PTDSS1: variants seen among roughly 807,000 people sequenced by gnomAD.
The protein encoded by PTDSS1 is phosphatidylserine synthase 1, also known as PSS-1.
PTDSS1 carries 45 observed loss-of-function variants against 70.5 expected under a neutral mutation model. The observed-to-expected ratio is 0.64, with a 90% CI of 0.50 to 0.82. The LOEUF is 0.82. Ranked by LOEUF, PTDSS1 falls within the 40% of genes least tolerant of loss-of-function variation. The probability of loss-of-function intolerance (pLI) is 0.00; values close to 1 mark genes in which losing one functional copy is unlikely to be tolerated. For missense variants in PTDSS1, 417 were observed against 586.1 expected, an observed-to-expected ratio of 0.71 and a Z score of 2.98; for synonymous variants, 188 against 203.8, an observed-to-expected ratio of 0.92 and a Z score of 0.66.
intron 6 of PTDSS1, among the ~76,000 whole-genome samples, chr8:96,301,404 C>CTA (rs2130100173): frequency 6.6e-6 from 1 of 151,748 alleles, no homozygotes; most frequent in South Asian, 2.1e-4. Context: ...CTGTCATCCC[C>CTA]TTTTAAACTA....
chr8:96,330,928 C>A, intron 11 of PTDSS1, 98 bp from the exon 12 acceptor site: 1 of 1,004,484 alleles, frequency 1.0e-6, no homozygotes, highest in Non-Finnish European at 1.5e-6. Context: ...TGATCCCAGC[C>A]TGGGAGAGGC....
At chr8:96,309,696 T>C in intron 9 of PTDSS1, 74 bp downstream of exon 9, 1 of 1,429,998 alleles carries the variant, frequency 7.0e-7, no homozygotes, top group East Asian at 2.3e-5. Flanking sequence ...CTTGACCCTG[T>C]GTTAAGAGCC....
In PTDSS1 at chr8:96,306,458, T is replaced by C. The variant is rs143788559; in HGVS notation, c.909T>C (p.Asn303=). Residue 303 remains asparagine (N), a synonymous_variant, in exon 8 of 13, where the codon AAT becomes AAC. Transcript: ENST00000517309. ...GTCTTTTTCAGCTGACTGAGTTGAA[T>C]ACCTTCTTCTTGAAGCATATCTTTG... ...FMIIWQLTEL[N]TFFLKHIFVF... The C allele has an allele frequency of 8.6e-5, 138 of 1,613,978 alleles. No homozygotes were observed. The highest frequency in any genetic ancestry group is 1.1e-4 in the Non-Finnish European group (131 of 1,179,824).
At chr8:96,323,587 T>C (rs1182565773) in intron 10 of PTDSS1, among the ~76,000 whole-genome samples, 1 of 152,046 alleles carries the variant, frequency 6.6e-6, no homozygotes, top group Non-Finnish European at 1.5e-5. Flanking sequence ...AATGTGGGAG[T>C]AGAGTCCCTA....
At chr8:96,323,876 T>C (rs574045719) in intron 10 of PTDSS1, among the ~76,000 whole-genome samples, 2 of 152,358 alleles carry the variant, frequency 1.3e-5, no homozygotes, top group South Asian at 4.1e-4. Context: ...TCCAGATTAT[T>C]CCATTCTGCT....
chr8:96,274,970 G>C (rs116825960), intron 2 of PTDSS1, among the ~76,000 whole-genome samples: 1 of 152,066 alleles, frequency 6.6e-6, no homozygotes, highest in South Asian at 2.1e-4. Context: ...AGGTGAAAAA[G>C]AATTTTTTAA....
At position 96,315,035 on chromosome 8, in the gene PTDSS1, C is replaced by T. The variant is rs117568408; in HGVS notation, c.1074-5211C>T. On this transcript the variant is annotated intron_variant, in intron 9 of 12. Coordinates refer to ENST00000517309, the MANE Select transcript of PTDSS1 (RefSeq NM_014754.3). ...CGCTTCTCCCCTTCCCTCCTTGTGC[C>T]GGGGATTCTTTGGAAGTTAGAAAGT... Among the ~76,000 whole-genome samples the T allele has an allele frequency of 4.2e-3, 638 of 152,198 alleles. 5 individuals carry two copies. Among genetic ancestry groups the T allele is most frequent in the Non-Finnish European group, 6.6e-3 (450 of 68,014 alleles).
intron 2 of PTDSS1, among the ~76,000 whole-genome samples, chr8:96,282,450 A>G (rs954975452): frequency 6.6e-6 from 1 of 152,224 alleles, no homozygotes; most frequent in Non-Finnish European, 1.5e-5. Context: ...ATTAGAACTC[A>G]GAAATCAAAC....
At chr8:96,299,145 A>G (rs1006078112) in intron 5 of PTDSS1, among the ~76,000 whole-genome samples, 3 of 152,012 alleles carry the variant, frequency 2.0e-5, no homozygotes, top group South Asian at 2.1e-4. Flanking sequence ...TTAATAAAAG[A>G]TTGTCATTAT....
rs1810787658 is a variant in PTDSS1, at chr8:96,284,145, TG to T, written c.310del (p.Val104PhefsTer18). ...FTRPHPALWR[M>X]VFGLSVLYFL... ...CGACCTCATCCAGCCTTATGGCGAA[TG>T]GTTTTTGGTGAGTTTATATTAGCAA... is the stretch of plus-strand genomic sequence containing the variant. On this transcript the variant is annotated frameshift_variant, in exon 3 of 13. Coordinates refer to ENST00000517309, the MANE Select transcript of PTDSS1 (RefSeq NM_014754.3). LOFTEE classifies it high-confidence loss of function. 1.2e-6 allele frequency: 2 copies of T among 1,607,354 alleles called. No homozygotes were observed. The highest frequency in any genetic ancestry group is 1.7e-6 in the Non-Finnish European group (2 of 1,174,542).
intron 5 of PTDSS1, among the ~76,000 whole-genome samples, chr8:96,296,967 C>T (rs1252166254): frequency 1.3e-5 from 2 of 152,216 alleles, no homozygotes; most frequent in Non-Finnish European, 1.5e-5. Context: ...TTCCCAGTGC[C>T]TGTGGTCACC....
chr8:96,276,551 G>T (rs1362850462), intron 2 of PTDSS1, among the ~76,000 whole-genome samples: 3 of 152,220 alleles, frequency 2.0e-5, no homozygotes, highest in African/African-American at 7.2e-5. Flanking sequence ...CCAGTGAGAA[G>T]GCTGAAACGT....
At position 96,336,589 on chromosome 8, in the gene PTDSS1, G is replaced by A. The variant is rs1023938876; in HGVS notation, c.*3023G>A. ...TGCAGAGTTCCTGGGCCACCCTAAT[G>A]TTTACCAGGTGGGCGTTGTTTATAT... On this transcript the variant is annotated 3_prime_UTR_variant, in exon 13 of 13. Transcript: ENST00000517309. The A allele has an allele frequency of 4.6e-5, 7 of 152,062 alleles. No homozygotes were observed. The highest frequency in any genetic ancestry group is 1.2e-4 in the African/African-American group (5 of 41,272). 9.4% of individuals were successfully genotyped at this position (152,062 alleles called of 1,614,324 possible). A position where few individuals can be genotyped will look rare whatever the true frequency, so the allele number is the denominator to read the frequency against.
intron 6 of PTDSS1, among the ~76,000 whole-genome samples, chr8:96,303,025 G>T (rs978810004): frequency 1.3e-5 from 2 of 152,130 alleles, no homozygotes; most frequent in Non-Finnish European, 2.9e-5. Flanking sequence ...AATCCTATTG[G>T]TGGTTTTTTT....
chr8:96,329,981 C>T (rs987075691), intron 10 of PTDSS1, among the ~76,000 whole-genome samples: 1 of 152,192 alleles, frequency 6.6e-6, no homozygotes, highest in African/African-American at 2.4e-5. Context: ...TTCTTGCTTT[C>T]TGATAGTAGA....
chr8:96,263,136 T>C (rs901442493), intron 1 of PTDSS1, among the ~76,000 whole-genome samples: 1 of 152,130 alleles, frequency 6.6e-6, no homozygotes, highest in Non-Finnish European at 1.5e-5. Flanking sequence ...CTGGAAAACA[T>C]ACACACACAT....
At chr8:96,319,137 C>A (rs147321604) in intron 9 of PTDSS1, among the ~76,000 whole-genome samples, 228 of 151,968 alleles carry the variant, frequency 1.5e-3, no homozygotes, top group African/African-American at 5.1e-3. Context: ...TGGTCTTGAA[C>A]TCCTGAGTTC....
chr8:96,325,428 A>G (rs17781008), intron 10 of PTDSS1, among the ~76,000 whole-genome samples: 69,556 of 152,040 alleles, frequency 0.46, 16,497 homozygotes, highest in African/African-American at 0.48. Context: ...AAGGCTCCTT[A>G]GTGATATGTG....
At chr8:96,332,885 G>T (rs1334875603) in intron 12 of PTDSS1, among the ~76,000 whole-genome samples, 1 of 152,224 alleles carries the variant, frequency 6.6e-6, no homozygotes, top group Non-Finnish European at 1.5e-5. Context: ...CCAGGCAGGG[G>T]CTGAACAAAG....
Sources: gnomAD v4.1 joint callset for allele counts (sites outside exome capture counted in the v4.1 genomes callset) on GRCh38, gnomAD v4.1.1 for gene constraint, MANE v1.5 for transcripts, NCBI Gene and HGNC (gene_info 2026-07-23, HGNC 2026-07-21) for gene names.